Variants in ATP11B observed in about 807,000 individuals in gnomAD.
The protein encoded by ATP11B is ATPase phospholipid transporting 11B (putative), also known as phospholipid-transporting ATPase IF.
In ATP11B, 81 loss-of-function variants were observed where a neutral mutation model predicts 157.8. The observed-to-expected ratio is 0.51, with a 90% CI of 0.43 to 0.62. The LOEUF (loss-of-function observed/expected upper bound fraction) is 0.62. Among genes scored for constraint, ATP11B ranks in the 20% least tolerant of loss-of-function variants. The pLI is 0.00. For missense variants in ATP11B, 1,165 were observed against 1,402.2 expected, an observed-to-expected ratio of 0.83 and a Z score of 2.70; for synonymous variants, 451 against 469.4, an observed-to-expected ratio of 0.96 and a Z score of 0.51.
chr3:182,796,389 C>T (rs73048885), intron 1 of ATP11B, among the ~76,000 whole-genome samples: 20,256 of 152,136 alleles, frequency 0.13, 1,604 homozygotes, highest in African/African-American at 0.22. Context: ...CCATTAGCTA[C>T]TCACTGTATT....
intron 4 of ATP11B, 110 bp downstream of exon 4, chr3:182,829,862 C>A: frequency 7.1e-7 from 1 of 1,410,834 alleles, no homozygotes; most frequent in Non-Finnish European, 9.4e-7. Flanking sequence ...CATAAGAAAG[C>A]AGCAAATTTG....
chr3:182,851,236 A>T (rs1719950915), intron 10 of ATP11B, among the ~76,000 whole-genome samples: 1 of 152,234 alleles, frequency 6.6e-6, no homozygotes, highest in Non-Finnish European at 1.5e-5. Flanking sequence ...GGTTTCAGTG[A>T]GCCGAGATCG....
intron 1 of ATP11B, among the ~76,000 whole-genome samples, chr3:182,802,387 T>C (rs1215308274): frequency 1.3e-5 from 2 of 152,188 alleles, no homozygotes; most frequent in East Asian, 3.9e-4. Flanking sequence ...TGCTCTTTTG[T>C]TCAGAGTAAA....
At position 182,920,685 on chromosome 3, in the gene ATP11B, G is replaced by GC. The variant is rs1725423101; in HGVS notation, c.*2585dup. 1 of 152,214 alleles carries GC rather than the reference G, an allele frequency of 6.6e-6. No homozygotes were observed. The highest frequency in any genetic ancestry group is 2.4e-5 in the African/African-American group (1 of 41,440). 9.4% of individuals were successfully genotyped at this position (152,214 alleles called of 1,614,324 possible). On this transcript the variant is annotated 3_prime_UTR_variant, in exon 30 of 30. Coordinates refer to ENST00000323116, the MANE Select transcript of ATP11B (RefSeq NM_014616.3). ...AAGCACCAAGTCAGTTTCCAAAATT[G>GC]CCCCTCAGCTGCTTTAAGTGACTCA...
intron 12 of ATP11B, among the ~76,000 whole-genome samples, chr3:182,861,875 T>A (rs1720863932): frequency 1.3e-5 from 2 of 150,712 alleles, no homozygotes; most frequent in Admixed American, 1.3e-4. Context: ...GCCCAGGAAA[T>A]CGAGGCTGCA....
At chr3:182,807,344 AAG>A (rs1296375446) in intron 1 of ATP11B, among the ~76,000 whole-genome samples, 2 of 152,166 alleles carry the variant, frequency 1.3e-5, no homozygotes, top group Non-Finnish European at 1.5e-5. Context: ...GTAGAGGAAA[AAG>A]AAAAAAAAAT....
chr3:182,842,159 T>C (rs903927274), intron 8 of ATP11B, 37 bp downstream of exon 8: 9 of 1,466,550 alleles, frequency 6.1e-6, no homozygotes, highest in East Asian at 4.5e-5. Context: ...TACCTTTAAA[T>C]GGGAACTGTT....
chr3:182,834,122 T>C (rs1361473363), intron 4 of ATP11B, among the ~76,000 whole-genome samples: 2 of 152,208 alleles, frequency 1.3e-5, no homozygotes, highest in Non-Finnish European at 2.9e-5. Context: ...GTTGCTCTGC[T>C]ATTAATGTCA....
At chr3:182,864,396 G>C (rs1721076364) in intron 12 of ATP11B, among the ~76,000 whole-genome samples, 1 of 152,062 alleles carries the variant, frequency 6.6e-6, no homozygotes, top group African/African-American at 2.4e-5. Context: ...GTTTTTTATA[G>C]ATACCCTTTA....
intron 19 of ATP11B, among the ~76,000 whole-genome samples, chr3:182,875,090 A>AT (rs757589654): frequency 4.6e-5 from 7 of 152,188 alleles, no homozygotes; most frequent in Non-Finnish European, 8.8e-5. Flanking sequence ...TTTTATAGGC[A>AT]TATCAAATTT....
At chr3:182,895,081 C>G (rs1320313502) in intron 25 of ATP11B, among the ~76,000 whole-genome samples, 1 of 147,430 alleles carries the variant, frequency 6.8e-6, no homozygotes, top group Non-Finnish European at 1.5e-5. Context: ...CCATTGCACT[C>G]CAGCCTGGGT....
chr3:182,829,962 A>G, intron 4 of ATP11B: 3 of 985,028 alleles, frequency 3.0e-6, no homozygotes, highest in Non-Finnish European at 3.6e-6. Context: ...TCGTTAAAAT[A>G]TGTAGTTCCC....
intron 10 of ATP11B, among the ~76,000 whole-genome samples, chr3:182,855,459 G>C (rs765279559): frequency 2.0e-5 from 3 of 152,146 alleles, no homozygotes; most frequent in Non-Finnish European, 4.4e-5. Context: ...TCAGGACTTA[G>C]TGTTAGACAA....
intron 2 of ATP11B, among the ~76,000 whole-genome samples, chr3:182,823,457 C>G (rs1717503538): frequency 6.6e-6 from 1 of 152,018 alleles, no homozygotes; most frequent in South Asian, 2.1e-4. Context: ...GGGCTCTGTT[C>G]TGTTCCATTG....
At chr3:182,892,156 A>G (rs1723218107) in intron 25 of ATP11B, among the ~76,000 whole-genome samples, 1 of 152,088 alleles carries the variant, frequency 6.6e-6, no homozygotes, top group Non-Finnish European at 1.5e-5. Context: ...ATTCTAAAAC[A>G]TTGCTTATGT....
chr3:182,795,054 A>G (rs960610925), intron 1 of ATP11B, among the ~76,000 whole-genome samples: 6 of 152,104 alleles, frequency 3.9e-5, no homozygotes, highest in African/African-American at 1.4e-4. Context: ...AAAAAATTAT[A>G]AATAAGAACT....
intron 19 of ATP11B, among the ~76,000 whole-genome samples, chr3:182,877,637 G>C (rs914485904): frequency 6.6e-6 from 1 of 152,070 alleles, no homozygotes; most frequent in Admixed American, 6.6e-5. Context: ...GTGAGTTGCT[G>C]TGTCAGAAAA....
chr3:182,837,497 G>T (rs1449636010), intron 7 of ATP11B, among the ~76,000 whole-genome samples: 1 of 151,858 alleles, frequency 6.6e-6, no homozygotes, highest in Non-Finnish European at 1.5e-5. Context: ...AGAAAATAAT[G>T]ATTTTTTTGG....
intron 21 of ATP11B, 56 bp downstream of exon 21, chr3:182,881,037 T>A: frequency 7.6e-7 from 1 of 1,322,940 alleles, no homozygotes; most frequent in African/African-American, 1.5e-5. Context: ...GTGGTATTAT[T>A]TGGTGGTTTT....
Sources: allele counts gnomAD v4.1 joint callset (sites outside exome capture counted in the v4.1 genomes callset), GRCh38; gene constraint gnomAD v4.1.1; transcripts MANE v1.5; gene names NCBI Gene and HGNC (gene_info 2026-07-23, HGNC 2026-07-21).